Variants in HAVCR1 observed in about 807,000 individuals in gnomAD.
The protein encoded by HAVCR1 is T cell immunoglobin domain and mucin domain protein 1.
Under a neutral mutation model 32.0 loss-of-function variants are expected in HAVCR1, and 34 were observed. The observed-to-expected ratio is 1.06, with a 90% CI of 0.81 to 1.42. HAVCR1 has a LOEUF of 1.42. Among genes scored for constraint, HAVCR1 ranks in the 40% most tolerant of loss-of-function variants. The pLI, the probability that HAVCR1 is intolerant of heterozygous loss-of-function variation, is 0.00. For missense variants in HAVCR1, 420 were observed against 442.3 expected (o/e 0.95, Z 0.45); for synonymous variants, 178 against 170.3 (o/e 1.05, Z -0.35).
At chr5:157,044,676 AGGAG>A (rs57641175) in intron 5 of HAVCR1, among the ~76,000 whole-genome samples, 1 of 109,454 alleles carries the variant, frequency 9.1e-6, no homozygotes, top group Non-Finnish European at 2.0e-5. Context: ...AAAGAAAGAA[AGGAG>A]GGAGGGAGGA....
chr5:157,030,026 T>C (rs965382912), intron 8 of HAVCR1, among the ~76,000 whole-genome samples, 185 bp from the exon 9 acceptor site: 3 of 152,136 alleles, frequency 2.0e-5, no homozygotes, highest in Non-Finnish European at 4.4e-5. Context: ...CTCTTATTAT[T>C]AAGTTGAAGA....
At chr5:157,045,148 A>C (rs1405814701) in intron 5 of HAVCR1, among the ~76,000 whole-genome samples, 1 of 152,226 alleles carries the variant, frequency 6.6e-6, no homozygotes, top group African/African-American at 2.4e-5. Flanking sequence ...CGATATTAAC[A>C]GCAATAAATA....
rs144701880 is a variant in HAVCR1 at position 157,042,441 on chromosome 5, C to CAA, written c.837+184_837+185dup. Among the ~76,000 whole-genome samples, 159 of 113,294 alleles carry CAA rather than the reference C, an allele frequency of 1.4e-3. 2 individuals carry two copies. Among genetic ancestry groups the CAA allele is most frequent in the East Asian group, 9.0e-3 (33 of 3,652 alleles). The allele number at this position is 113,294 out of a possible 152,430, so 74.3% of individuals were successfully genotyped here. ...TGGGCAACAGAGCAAGACTCCGTCT[C>CAA]AAAAAAAAAAAAAAAAAAAATTAAA... On this transcript the variant is annotated intron_variant, in intron 6 of 8. Coordinates refer to ENST00000523175, the MANE Select transcript of HAVCR1 (RefSeq NM_001173393.3).
the HAVCR1 span, among the ~76,000 whole-genome samples, chr5:157,066,947 G>A: frequency 4.8e-4 from 73 of 152,264 alleles, no homozygotes; most frequent in Admixed American, 1.8e-3. Context: ...TTAGCCGGGC[G>A]TGGTGGTACA....
chr5:157,055,727 CG>C (rs2113635805), intron 2 of HAVCR1, among the ~76,000 whole-genome samples, 194 bp from the exon 3 acceptor site: 1 of 151,778 alleles, frequency 6.6e-6, no homozygotes, highest in Admixed American at 6.6e-5. Flanking sequence ...CAAAAATTAG[CG>C]GGGTGTAGTG....
intron 7 of HAVCR1, among the ~76,000 whole-genome samples, chr5:157,034,368 C>A (rs1446152858): frequency 6.6e-6 from 1 of 151,926 alleles, no homozygotes; most frequent in African/African-American, 2.4e-5. Flanking sequence ...CATCTCAGTG[C>A]AGTAAAGAGC....
intron 7 of HAVCR1, among the ~76,000 whole-genome samples, chr5:157,036,159 A>G (rs1185700977): frequency 1.3e-5 from 2 of 152,080 alleles, no homozygotes; most frequent in African/African-American, 4.8e-5. Flanking sequence ...CCTAGCCAAC[A>G]TGGCAAAACC....
rs1561587925 is a variant in HAVCR1, at chr5:157,042,638, T to G, written c.826A>C (p.Asn276His). The G allele has an allele frequency of 1.3e-6, 2 of 1,592,162 alleles. No individual in the cohort carries two copies. The highest frequency in any genetic ancestry group is 4.5e-5 in the East Asian group (2 of 44,696). ...CGGAATATGCTTACAGTTTGATTGT[T>G]ATTCCAAAGGCCATCTGAAGACTCT... The part of the protein sequence containing the change: ...VTESSDGLWN[N>H]NQTQLFLEHS... The change falls in exon 6 of 9, where the codon AAC becomes CAC. Residue 276 changes from asparagine to histidine, a missense_variant. Coordinates refer to ENST00000523175, the MANE Select transcript of HAVCR1 (RefSeq NM_001173393.3).
At chr5:157,057,469 T>G (rs67114357) in intron 2 of HAVCR1, among the ~76,000 whole-genome samples, 2 of 144,336 alleles carry the variant, frequency 1.4e-5, no homozygotes, top group Non-Finnish European at 3.0e-5. Context: ...GAAAGAGAAT[T>G]GAATGTGGCT....
the HAVCR1 span, among the ~76,000 whole-genome samples, chr5:157,065,293 C>A: frequency 1.5e-5 from 2 of 137,666 alleles, no homozygotes; most frequent in Non-Finnish European, 3.1e-5. Context: ...CGCGACAGAG[C>A]GAGACTCCGC....
chr5:157,061,559 T>C (rs1035748354), upstream of HAVCR1, among the ~76,000 whole-genome samples: 2 of 151,910 alleles, frequency 1.3e-5, no homozygotes, highest in African/African-American at 4.8e-5. Context: ...ATGCAAAAAT[T>C]AGCCAGGCGT....
rs2113616915 is a variant in HAVCR1, at chr5:157,052,586, C to G, written c.448G>C (p.Val150Leu). 1 of 1,611,964 alleles carries G rather than the reference C, an allele frequency of 6.2e-7. No individual in the cohort carries two copies. Among genetic ancestry groups the G allele is most frequent in the East Asian group, 2.2e-5 (1 of 44,810 alleles). ...TVTTVRTSTTVPTTTTVPMTT... is the reference protein window; with the variant it reads ...TVTTVRTSTTLPTTTTVPMTT... ...ATTGGAACAGTCGTTGTCGTTGGAA[C>G]AGTGGTGCTCGTTCGAACAGTCGTG... Residue 150 changes from valine (V) to leucine (L), a missense_variant, in exon 4 of 9, where the codon GTT (valine) becomes CTT (leucine). Physicochemically the swap from Val to Leu is conservative, Grantham distance 32 (BLOSUM62 1). Transcript: ENST00000523175.
intron 7 of HAVCR1, 83 bp downstream of exon 7, chr5:157,037,164 T>C (rs2113505777): frequency 2.6e-6 from 2 of 765,588 alleles, no homozygotes; most frequent in Middle Eastern, 4.6e-4. Context: ...GAAATCAAAA[T>C]CATGTGACTT....
chr5:157,062,853 C>A (rs959822920), upstream of HAVCR1, among the ~76,000 whole-genome samples: 1 of 152,014 alleles, frequency 6.6e-6, no homozygotes, highest in Admixed American at 6.6e-5. Flanking sequence ...AGTATGGTGG[C>A]TCACACCTGT....
At chr5:157,062,630 A>G (rs536617411), upstream of HAVCR1, among the ~76,000 whole-genome samples, 22 of 152,190 alleles carry the variant, frequency 1.4e-4, no homozygotes, top group African/African-American at 5.1e-4. Flanking sequence ...AGGCCTCTAT[A>G]ATCCAGACTT....
the HAVCR1 span, among the ~76,000 whole-genome samples, chr5:157,067,714 G>A: frequency 6.6e-6 from 1 of 151,872 alleles, no homozygotes; most frequent in African/African-American, 2.4e-5. Context: ...TTGAGACAAA[G>A]TTTCACTTTT....
Position 157,042,658 on chromosome 5 carries a change from G to A in HAVCR1, c.806C>T (p.Ser269Phe). 1 of 1,595,986 alleles carries A rather than the reference G, an allele frequency of 6.3e-7. No homozygotes were observed. The highest frequency in any genetic ancestry group is 2.2e-5 in the East Asian group (1 of 44,732). ...ATTGTTATTCCAAAGGCCATCTGAA[G>A]ACTCTGTCACGGTGTCATTCCCATC... ...TTDGNDTVTESSDGLWNNNQT... is the reference protein window; with the variant it reads ...TTDGNDTVTEFSDGLWNNNQT... The change falls in exon 6 of 9, where the codon TCT becomes TTT. Residue 269 changes from serine to phenylalanine, a missense_variant. Physicochemically the swap from Ser to Phe is radical, Grantham distance 155 (BLOSUM62 -2). Transcript: ENST00000523175.
At chr5:157,057,042 C>T (rs1025980180) in intron 2 of HAVCR1, among the ~76,000 whole-genome samples, 3 of 151,826 alleles carry the variant, frequency 2.0e-5, no homozygotes, top group Non-Finnish European at 2.9e-5. Context: ...CTAGGCCAGG[C>T]GCGGTGACTC....
chr5:157,044,621 G>GAA lies in HAVCR1; in HGVS notation c.782-1941_782-1940dup, dbSNP rs1226932507. Among the ~76,000 whole-genome samples, 241 of 42,706 alleles carry GAA rather than the reference G, an allele frequency of 5.6e-3. 8 individuals carry two copies. The highest frequency in any genetic ancestry group is 8.6e-3 in the African/African-American group (113 of 13,212). 28.0% of individuals were successfully genotyped at this position (42,706 alleles called of 152,430 possible). A position where few individuals can be genotyped will look rare whatever the true frequency, so the allele number is the denominator to read the frequency against. On this transcript the variant is annotated intron_variant, in intron 5 of 8. Transcript: ENST00000523175. ...AAAGAAAGAAAGAAAGAAAGAGAAA[G>GAA]AAAGAAAGAAAGAAAGAAAGAAAGA...
Sources: gnomAD v4.1 joint callset for allele counts (sites outside exome capture counted in the v4.1 genomes callset) on GRCh38, gnomAD v4.1.1 for gene constraint, MANE v1.5 for transcripts, NCBI Gene and HGNC (gene_info 2026-07-23, HGNC 2026-07-21) for gene names.